PARP2: variants seen among roughly 807,000 people sequenced by gnomAD.
PARP2 encodes poly [ADP-ribose] polymerase 2.
A neutral mutation model predicts 77.8 loss-of-function variants in PARP2; 57 were observed. The observed-to-expected ratio is 0.73, with a 90% CI of 0.59 to 0.91. The LOEUF (loss-of-function observed/expected upper bound fraction) is 0.91, where lower values mean the gene tolerates loss of function less well. Among genes scored for constraint, PARP2 ranks in the 40% least tolerant of loss-of-function variants. PARP2 has a pLI of 0.00. For synonymous variants in PARP2, 226 were observed against 242.6 expected (o/e 0.93, Z 0.64); for missense variants, 651 against 689.0 (o/e 0.94, Z 0.62).
At chr14:20,353,867 C>CT in intron 7 of PARP2, among the ~76,000 whole-genome samples, 1 of 152,236 alleles carries the variant, frequency 6.6e-6, no homozygotes, top group East Asian at 1.9e-4. Context: ...GGTCAACCCT[C>CT]TATATCCATG....
intron 6 of PARP2, among the ~76,000 whole-genome samples, chr14:20,351,468 G>A (rs911718785): frequency 7.9e-5 from 12 of 152,124 alleles, no homozygotes; most frequent in Admixed American, 1.3e-4. Context: ...GTGAGCCACC[G>A]TGCCCTGCCT....
At chr14:20,350,334 A>G (rs147362511) in intron 4 of PARP2, among the ~76,000 whole-genome samples, 192 bp from the exon 5 acceptor site, 1 of 152,218 alleles carries the variant, frequency 6.6e-6, no homozygotes, top group Admixed American at 6.5e-5. Context: ...AATTCCTAAG[A>G]ATCCAAAGTT....
At position 20,351,120 on chromosome 14, in the gene PARP2, G is replaced by A. The variant is rs1287284684; in HGVS notation, c.495G>A (p.Lys165=). The change falls in exon 6 of 16, where the codon AAG becomes AAA. Residue 165 remains lysine, a splice_region_variant and synonymous_variant. Coordinates refer to ENST00000429687, the MANE Select transcript of PARP2 (RefSeq NM_001042618.2). ...ACAAGGCCAAGGAAATCTTTCAGAA[G>A]AAGTGAGTGCTGAAAAGTGACTACA... ...NLNKAKEIFQ[K]KFLDKTKNNW... 15 of 1,611,590 alleles carry A rather than the reference G, an allele frequency of 9.3e-6. No individual in the cohort carries two copies. The highest frequency in any genetic ancestry group is 1.3e-5 in the Non-Finnish European group (15 of 1,177,854).
rs775923282 is a variant in PARP2, at chr14:20,343,637, AT to A, written c.-3del. The A allele has an allele frequency of 2.6e-5, 42 of 1,609,830 alleles. No individual in the cohort carries two copies. The highest frequency in any genetic ancestry group is 3.4e-5 in the Non-Finnish European group (40 of 1,178,882). On this transcript the variant is annotated 5_prime_UTR_variant, in exon 1 of 16. Coordinates refer to ENST00000429687, the MANE Select transcript of PARP2 (RefSeq NM_001042618.2). ...GCGGGTTGATGACGTCAGCGTTCGAATTCCATGGCGGCGCGGCGGCGACGGA... is the reference window on the plus strand; with the variant it reads ...GCGGGTTGATGACGTCAGCGTTCGAATCCATGGCGGCGCGGCGGCGACGGA...
At chr14:20,346,826 A>G in intron 3 of PARP2, 37 bp from the exon 4 acceptor site, 1 of 1,413,330 alleles carries the variant, frequency 7.1e-7, no homozygotes, top group Non-Finnish European at 1.0e-6. Context: ...GGCTGAACCT[A>G]TACTAATGTT....
intron 5 of PARP2, 82 bp from the exon 6 acceptor site, chr14:20,350,965 G>A: frequency 9.4e-7 from 1 of 1,058,328 alleles, no homozygotes; most frequent in Non-Finnish European, 1.4e-6. Context: ...CTGCCTGTTT[G>A]TCAGATGTTA....
rs1323177425 is a variant in PARP2 at position 20,352,319 on chromosome 14, T to C, written c.572T>C (p.Leu191Pro). Residue 191 changes from leucine to proline, a missense_variant, in exon 7 of 16, where the codon CTA becomes CCA. By Grantham distance (98) the Leu-to-Pro change is moderately conservative. Transcript: ENST00000429687. ...AAGGTGCCTGGAAAATATGATATGC[T>C]ACAGATGGACTATGCCACCAATACT... ...FEKVPGKYDM[L>P]QMDYATNTQD... 1.2e-6 allele frequency: 2 copies of C among 1,605,656 alleles called. No homozygotes were observed. Among genetic ancestry groups the C allele is most frequent in the African/African-American group, 1.3e-5 (1 of 74,902 alleles).
chr14:20,349,142 A>C (rs1440197020), intron 4 of PARP2, among the ~76,000 whole-genome samples: 2 of 152,162 alleles, frequency 1.3e-5, no homozygotes, highest in African/African-American at 4.8e-5. Context: ...GTTCAAGATC[A>C]GCCTGGGCAA....
At chr14:20,348,353 C>T (rs1883840939) in intron 4 of PARP2, among the ~76,000 whole-genome samples, 1 of 149,948 alleles carries the variant, frequency 6.7e-6, no homozygotes, top group Non-Finnish European at 1.5e-5. Context: ...TAAATTTTTT[C>T]TGTAGTTAAA....
intron 9 of PARP2, 132 bp from the exon 10 acceptor site, chr14:20,355,616 CTCTT>C (rs1376648529): frequency 1.6e-6 from 1 of 615,404 alleles, no homozygotes; most frequent in Non-Finnish European, 2.9e-6. Flanking sequence ...CTTTACAGAT[CTCTT>C]TCTCTCTCAA....
intron 3 of PARP2, 25 bp from the exon 4 acceptor site, chr14:20,346,838 A>AT (rs753499215): frequency 1.3e-5 from 20 of 1,550,012 alleles, no homozygotes; most frequent in South Asian, 8.9e-5. Context: ...ACTAATGTTG[A>AT]TTTTTTCTCT....
intron 4 of PARP2, among the ~76,000 whole-genome samples, chr14:20,348,878 G>A (rs754255747): frequency 1.3e-5 from 2 of 152,032 alleles, no homozygotes; most frequent in Non-Finnish European, 2.9e-5. Context: ...AATTAGCCAG[G>A]TGTGGTGGCA....
At chr14:20,354,975 GT>G in intron 9 of PARP2, 28 bp downstream of exon 9, 1 of 1,596,506 alleles carries the variant, frequency 6.3e-7, no homozygotes, top group Non-Finnish European at 8.5e-7. Flanking sequence ...ACTTCACTTT[GT>G]TCTTCTACCT....
intron 6 of PARP2, 62 bp downstream of exon 6, chr14:20,351,184 A>G: frequency 7.2e-7 from 1 of 1,385,482 alleles, no homozygotes; most frequent in South Asian, 1.2e-5. Flanking sequence ...TATATTCTCT[A>G]AAAAATTTTT....
chr14:20,343,740 G>A, intron 1 of PARP2, 53 bp downstream of exon 1: 1 of 1,569,186 alleles, frequency 6.4e-7, no homozygotes, highest in Non-Finnish European at 8.7e-7. Context: ...AGTCAGAAAG[G>A]AACGATGCCA....
chr14:20,356,320 A>G lies in PARP2; in HGVS notation c.1115A>G (p.Tyr372Cys). Reference protein sequence around the residue: ...ESYEFKVISQYLQSTHAPTHS... With the variant: ...ESYEFKVISQCLQSTHAPTHS... Reference sequence around the variant, plus strand: ...TATTTTTCACAGGTGATTTCCCAGTACCTACAATCTACCCATGCTCCCACA... The same window carrying G: ...TATTTTTCACAGGTGATTTCCCAGTGCCTACAATCTACCCATGCTCCCACA... The change falls in exon 12 of 16, where the codon TAC becomes TGC. Residue 372 changes from tyrosine to cysteine, a missense_variant. Coordinates refer to ENST00000429687, the MANE Select transcript of PARP2 (RefSeq NM_001042618.2). 6.2e-7 allele frequency: 1 copy of G among 1,614,094 alleles called. No individual in the cohort carries two copies. The highest frequency in any genetic ancestry group is 8.5e-7 in the Non-Finnish European group (1 of 1,179,978).
chr14:20,345,333 T>C, intron 2 of PARP2, 61 bp from the exon 3 acceptor site: 1 of 1,441,856 alleles, frequency 6.9e-7, no homozygotes, highest in Non-Finnish European at 9.7e-7. Context: ...GACAAGTTTC[T>C]GTTTTACCAC....
Position 20,354,484 on chromosome 14 carries a change from C to G in PARP2, c.763+237C>G, listed in dbSNP as rs142945845. On this transcript the variant is annotated intron_variant, in intron 8 of 15. Coordinates refer to ENST00000429687, the MANE Select transcript of PARP2 (RefSeq NM_001042618.2). ...GGCCAAGGCAGGTGGATTGCTTGAG[C>G]CCAGGAGTTTGAAACCAGCCTGGGC... Among the ~76,000 whole-genome samples the G allele has an allele frequency of 7.0e-3, 1,068 of 152,208 alleles. 11 individuals are homozygous for G. Among genetic ancestry groups the G allele is most frequent in the African/African-American group, 0.025 (1,031 of 41,526 alleles).
intron 6 of PARP2, 103 bp from the exon 7 acceptor site, chr14:20,352,142 C>T: frequency 1.6e-6 from 1 of 638,154 alleles, no homozygotes; most frequent in African/African-American, 1.8e-5. Context: ...TGTAAAGGAG[C>T]TCAGTGCTGG....
Sources: gnomAD v4.1 joint callset for allele counts (sites outside exome capture counted in the v4.1 genomes callset) on GRCh38, gnomAD v4.1.1 for gene constraint, MANE v1.5 for transcripts, NCBI Gene and HGNC (gene_info 2026-07-23, HGNC 2026-07-21) for gene names.